IRAK4: variants seen among roughly 807,000 people sequenced by gnomAD.
The protein encoded by IRAK4 is interleukin 1 receptor associated kinase 4.
Under a neutral mutation model 51.8 loss-of-function variants are expected in IRAK4, and 44 were observed. That is an observed-to-expected ratio of 0.85 (90% confidence interval 0.67 to 1.09). The LOEUF is 1.09. Ranked by LOEUF, IRAK4 falls within the 50% of genes least tolerant of loss-of-function variation. IRAK4 has a pLI of 0.00. For missense variants in IRAK4, 487 were observed against 538.0 expected (o/e 0.91, Z 0.94); for synonymous variants, 149 against 174.1 (o/e 0.86, Z 1.13).
rs770553873 is a variant in IRAK4, at chr12:43,775,874, C to CTTTTTTTTTTTTTTTT, written c.717-1746_717-1731dup. Among the ~76,000 whole-genome samples the CTTTTTTTTTTTTTTTT allele has an allele frequency of 1.9e-4, 17 of 90,540 alleles. 3 individuals carry two copies. The highest frequency in any genetic ancestry group is 7.5e-4 in the African/African-American group (15 of 19,920). The allele number at this position is 90,540 out of a possible 152,430, so 59.4% of individuals were successfully genotyped here. A position where few individuals can be genotyped will look rare whatever the true frequency, so the allele number is the denominator to read the frequency against. ...TCCTTACCTTCATTTAATATCATTA[C>CTTTTTTTTTTTTTTTT]TTTTTTTTTTTTTTTTTTTTTTTTT... is the stretch of plus-strand genomic sequence containing the variant. On this transcript the variant is annotated intron_variant, in intron 6 of 11. Coordinates refer to ENST00000613694, the MANE Select transcript of IRAK4 (RefSeq NM_016123.4).
intron 2 of IRAK4, among the ~76,000 whole-genome samples, chr12:43,770,650 C>T (rs1174032800): frequency 6.6e-6 from 1 of 152,110 alleles, no homozygotes; most frequent in Non-Finnish European, 1.5e-5. Context: ...GTAATTCTTG[C>T]TGGTTCTCTT....
chr12:43,764,279 C>T (rs778372015), intron 1 of IRAK4, among the ~76,000 whole-genome samples: 15 of 152,132 alleles, frequency 9.9e-5, no homozygotes, highest in Non-Finnish European at 2.1e-4. Context: ...CAAGAATTAG[C>T]TGGGTGTGGT....
In IRAK4 at chr12:43,786,564, A is replaced by G. The variant is rs202108050; in HGVS notation, c.1347+7A>G. ...GAGACCAGACATTAAGAAGGTATGC[A>G]TTTTTTATACTTATTTAAAAAGTGA... is the stretch of plus-strand genomic sequence containing the variant. On this transcript the variant is annotated splice_region_variant and intron_variant, in intron 11 of 11. Transcript: ENST00000613694. 12 of 1,612,970 alleles carry G rather than the reference A, an allele frequency of 7.4e-6. No individual in the cohort carries two copies. The highest frequency in any genetic ancestry group is 5.5e-5 in the South Asian group (5 of 91,008).
At chr12:43,771,762 T>G (rs901215068) in intron 3 of IRAK4, among the ~76,000 whole-genome samples, 1 of 152,226 alleles carries the variant, frequency 6.6e-6, no homozygotes, top group African/African-American at 2.4e-5. Context: ...CTAGTTGCCT[T>G]CCTTATAAGC....
Position 43,759,029 on chromosome 12 carries a change from C to A in IRAK4, c.-10+13C>A, listed in dbSNP as rs1939115793. On this transcript the variant is annotated intron_variant, in intron 1 of 11. Transcript: ENST00000613694. ...CGCGCCCGGGCAGGTAAGGCATTCCCCGCCTTAATGCCTCGGTCAAACGTC... is the reference window on the plus strand; with the variant it reads ...CGCGCCCGGGCAGGTAAGGCATTCCACGCCTTAATGCCTCGGTCAAACGTC... 6.6e-6 allele frequency: 1 copy of A among 152,190 alleles called. No individual in the cohort carries two copies. The highest frequency in any genetic ancestry group is 1.5e-5 in the Non-Finnish European group (1 of 68,042). 9.4% of individuals were successfully genotyped at this position (152,190 alleles called of 1,614,324 possible).
chr12:43,778,318 T>G lies in IRAK4; in HGVS notation c.941+16T>G. 1 of 1,399,086 alleles carries G rather than the reference T, an allele frequency of 7.1e-7. No homozygotes were observed. Among genetic ancestry groups the G allele is most frequent in the South Asian group, 1.2e-5 (1 of 86,774 alleles). 86.7% of individuals were successfully genotyped at this position (1,399,086 alleles called of 1,614,324 possible). On this transcript the variant is annotated intron_variant, in intron 8 of 11. Coordinates refer to ENST00000613694, the MANE Select transcript of IRAK4 (RefSeq NM_016123.4). ...ATATTAAAAGGTAAATGCTACTGTT[T>G]AAAAGTTTTTGGAAAGCTGTCTTTA... is the stretch of plus-strand genomic sequence containing the variant.
chr12:43,783,895 C>T (rs531462792), intron 10 of IRAK4, among the ~76,000 whole-genome samples, 171 bp downstream of exon 10: 21 of 152,302 alleles, frequency 1.4e-4, no homozygotes, highest in African/African-American at 4.8e-4. Context: ...TCAGCTCTCC[C>T]ATGAAGTATT....
Position 43,771,627 on chromosome 12 carries a change from T to A in IRAK4, c.307+262T>A, listed in dbSNP as rs3794262. Among the ~76,000 whole-genome samples the A allele has an allele frequency of 0.23, 35,291 of 152,136 alleles. 6,538 individuals are homozygous for A. Among genetic ancestry groups the A allele is most frequent in the African/African-American group, 0.52 (21,444 of 41,448 alleles). Reference sequence around the variant, plus strand: ...AAGTTTAGAAGGAAAGACTTCATACTTCTGGCTTAGGCTGTAAGAAAGTAA... The same window carrying A: ...AAGTTTAGAAGGAAAGACTTCATACATCTGGCTTAGGCTGTAAGAAAGTAA... On this transcript the variant is annotated intron_variant, in intron 3 of 11. Coordinates refer to ENST00000613694, the MANE Select transcript of IRAK4 (RefSeq NM_016123.4).
intron 2 of IRAK4, chr12:43,770,947 C>A: frequency 1.6e-6 from 1 of 610,626 alleles, no homozygotes; most frequent in Admixed American, 2.2e-5. Flanking sequence ...ATAAGTTAGG[C>A]CCTATTTTTC....
chr12:43,764,551 C>T (rs1358401691), intron 1 of IRAK4, among the ~76,000 whole-genome samples: 1 of 152,206 alleles, frequency 6.6e-6, no homozygotes, highest in Non-Finnish European at 1.5e-5. Context: ...TTAACCACAT[C>T]AATGAAGTCT....
intron 1 of IRAK4, 42 bp from the exon 2 acceptor site, chr12:43,768,061 A>G: frequency 1.4e-6 from 2 of 1,470,976 alleles, no homozygotes; most frequent in South Asian, 1.2e-5. Context: ...TGTCATCTCT[A>G]AAAGTACTGT....
At chr12:43,784,217 A>G (rs912714183) in intron 10 of IRAK4, among the ~76,000 whole-genome samples, 6 of 152,184 alleles carry the variant, frequency 3.9e-5, no homozygotes, top group Non-Finnish European at 7.4e-5. Flanking sequence ...AATTCATATC[A>G]TGTTTTTCCT....
chr12:43,763,052 G>C (rs1489685747), intron 1 of IRAK4, among the ~76,000 whole-genome samples: 1 of 152,162 alleles, frequency 6.6e-6, no homozygotes, highest in Non-Finnish European at 1.5e-5. Flanking sequence ...CAAAAGTCTG[G>C]TTGGAGTCCC....
At chr12:43,781,450 T>C (rs1235592607) in intron 8 of IRAK4, among the ~76,000 whole-genome samples, 1 of 152,224 alleles carries the variant, frequency 6.6e-6, no homozygotes, top group East Asian at 1.9e-4. Context: ...TTCCTTGAAG[T>C]TGACCATGTA....
At chr12:43,777,594 T>G in intron 6 of IRAK4, 36 bp from the exon 7 acceptor site, 1 of 1,564,092 alleles carries the variant, frequency 6.4e-7, no homozygotes, top group Non-Finnish European at 8.7e-7. Flanking sequence ...TATATATTTA[T>G]TATAATAATT....
rs1400558158 is a variant in IRAK4 at position 43,777,761 on chromosome 12, T to A, written c.831+17T>A. 1 of 1,585,964 alleles carries A rather than the reference T, an allele frequency of 6.3e-7. No homozygotes were observed. The highest frequency in any genetic ancestry group is 8.7e-7 in the Non-Finnish European group (1 of 1,154,702). On this transcript the variant is annotated intron_variant, in intron 7 of 11. Coordinates refer to ENST00000613694, the MANE Select transcript of IRAK4 (RefSeq NM_016123.4). The stretch of plus-strand genomic sequence containing the variant: ...TCTTGCTTGGTAAGCTATTTGTTCA[T>A]CAGATTGTTTGGCTTTTTGTTTATA...
intron 1 of IRAK4, among the ~76,000 whole-genome samples, chr12:43,764,627 AAG>A (rs1436866913): frequency 6.6e-6 from 1 of 152,180 alleles, no homozygotes; most frequent in Non-Finnish European, 1.5e-5. Flanking sequence ...GGGAAACAAA[AAG>A]AAGTCAGAAG....
At chr12:43,776,021 A>G (rs1482548079) in intron 6 of IRAK4, among the ~76,000 whole-genome samples, 2 of 151,688 alleles carry the variant, frequency 1.3e-5, no homozygotes, top group East Asian at 1.9e-4. Flanking sequence ...AGCTGGGACT[A>G]CAGGCGACCG....
Position 43,773,968 on chromosome 12 carries a change from G to A in IRAK4, c.655G>A (p.Val219Ile). ...TVAVKKLAAM[V>I]DITTEELKQQ... ...ATTGTATATTTTATTTTTTCAGATG[G>A]TTGACATTACTACTGAAGAACTGAA... The change falls in exon 6 of 12, where the codon GTT becomes ATT. Residue 219 changes from valine to isoleucine, a missense_variant. Coordinates refer to ENST00000613694, the MANE Select transcript of IRAK4 (RefSeq NM_016123.4). 1.9e-6 allele frequency: 3 copies of A among 1,595,576 alleles called. No individual in the cohort carries two copies. Among genetic ancestry groups the A allele is most frequent in the Non-Finnish European group, 2.6e-6 (3 of 1,164,062 alleles).
Sources: allele counts gnomAD v4.1 joint callset (sites outside exome capture counted in the v4.1 genomes callset), GRCh38; gene constraint gnomAD v4.1.1; transcripts MANE v1.5; gene names NCBI Gene and HGNC (gene_info 2026-07-23, HGNC 2026-07-21).